Variants in TEX11 observed in about 807,000 individuals in gnomAD.
TEX11 encodes testis-expressed protein 11.
A neutral mutation model predicts 84.4 loss-of-function variants in TEX11; 7 were observed. That is an observed-to-expected ratio of 0.08 (90% confidence interval 0.05 to 0.16). The LOEUF (loss-of-function observed/expected upper bound fraction) is 0.16. Among genes scored for constraint, TEX11 ranks in the 10% least tolerant of loss-of-function variants. The pLI is 1.00. For missense variants in TEX11, 551 were observed against 660.5 expected (o/e 0.83, Z 1.82); for synonymous variants, 264 against 222.8 (o/e 1.18, Z -1.64).
chrX:70,596,684 G>A (rs1411537533), intron 24 of TEX11, among the ~76,000 whole-genome samples: 1 of 110,376 alleles, frequency 9.1e-6, no homozygotes, highest in Non-Finnish European at 1.9e-5. Flanking sequence ...TTAAAAAAAA[G>A]AAATATCTCA....
intron 28 of TEX11, among the ~76,000 whole-genome samples, chrX:70,532,595 G>A (rs2087902701): frequency 1.8e-5 from 2 of 112,033 alleles, no homozygotes; most frequent in African/African-American, 6.5e-5. Context: ...ATAGCTGGGT[G>A]TGATGGCACA....
intron 9 of TEX11, among the ~76,000 whole-genome samples, chrX:70,748,644 G>C (rs1266311976): frequency 2.9e-5 from 3 of 105,015 alleles, no homozygotes; most frequent in East Asian, 3.0e-4. Context: ...CATATGGCTA[G>C]CCAGTTTTCC....
chrX:70,547,027 CAAAAAAAAAAAA>C (rs58220663), intron 28 of TEX11, among the ~76,000 whole-genome samples: 3 of 33,874 alleles, frequency 8.9e-5, no homozygotes, highest in East Asian at 2.2e-3. Context: ...TATTATTCAG[CAAAAAAAAAAAA>C]AAAAAAAAAA....
At chrX:70,725,192 A>C in intron 12 of TEX11, 70 bp downstream of exon 12, 1 of 745,852 alleles carries the variant, frequency 1.3e-6, no homozygotes, top group Non-Finnish European at 1.9e-6. Flanking sequence ...GTATACTACA[A>C]AAGATCTTAT....
intron 13 of TEX11, among the ~76,000 whole-genome samples, chrX:70,714,423 G>A (rs2147706030): frequency 9.0e-6 from 1 of 111,515 alleles, no homozygotes; most frequent in African/African-American, 3.3e-5. Context: ...TTGTGTGGGA[G>A]TCTAAGTCTC....
intron 2 of TEX11, among the ~76,000 whole-genome samples, chrX:70,901,092 C>T (rs2091800912): frequency 9.0e-6 from 1 of 111,350 alleles, no homozygotes; most frequent in Non-Finnish European, 1.9e-5. Flanking sequence ...GTGGCGCATG[C>T]CTATATTCCC....
At chrX:70,845,240 C>G (rs1602177821) in intron 7 of TEX11, among the ~76,000 whole-genome samples, 1 of 110,920 alleles carries the variant, frequency 9.0e-6, no homozygotes, top group East Asian at 2.9e-4. Context: ...CTGCTCACTG[C>G]AACCTCTGTC....
At chrX:70,567,391 C>T (rs184636688) in intron 25 of TEX11, among the ~76,000 whole-genome samples, 66 of 110,843 alleles carry the variant, frequency 6.0e-4, no homozygotes, top group Admixed American at 1.1e-3. Context: ...GGGGTTTTTG[C>T]GTCTCTATTT....
intron 13 of TEX11, among the ~76,000 whole-genome samples, chrX:70,721,495 A>G (rs2090559034): frequency 8.9e-6 from 1 of 112,050 alleles, no homozygotes; most frequent in Non-Finnish European, 1.9e-5. Context: ...TAGCTCTATA[A>G]TTAGGTGGAT....
intron 18 of TEX11, among the ~76,000 whole-genome samples, chrX:70,629,072 C>T (rs1268803453): frequency 2.7e-5 from 3 of 112,177 alleles, no homozygotes; most frequent in East Asian, 5.6e-4. Flanking sequence ...AGAAGTTAAG[C>T]ACAGATTAAA....
At chrX:70,865,125 C>T (rs531682304) in intron 4 of TEX11, among the ~76,000 whole-genome samples, 4 of 111,297 alleles carry the variant, frequency 3.6e-5, no homozygotes, top group East Asian at 5.6e-4. Context: ...AGTCAAGACC[C>T]ATCAGTGTGC....
At chrX:70,525,103 C>T (rs1453073406), downstream of TEX11, among the ~76,000 whole-genome samples, 1 of 111,021 alleles carries the variant, frequency 9.0e-6, no homozygotes, top group Non-Finnish European at 1.9e-5. Context: ...ATCGCTTGAG[C>T]CTGGGAGTTT....
rs199501574 is a variant in TEX11, at chrX:70,860,978, A to G, written c.245-42T>C. On this transcript the variant is annotated intron_variant, in intron 4 of 29. Transcript: ENST00000374333. ...AGACAATGATAAACACAAAACATTC[A>G]TTCTCCTTTTATATACACCAAAGAG... The G allele has an allele frequency of 3.9e-5, 35 of 900,330 alleles. No homozygotes were observed. In the Admixed American group the frequency reaches 1.0e-3, roughly 26 times the overall value. The allele number at this position is 900,330 out of a possible 1,213,427, so 74.2% of individuals were successfully genotyped here. A position where few individuals can be genotyped will look rare whatever the true frequency, so the allele number is the denominator to read the frequency against.
chrX:70,897,756 T>G (rs2091781485), intron 2 of TEX11, among the ~76,000 whole-genome samples: 1 of 110,152 alleles, frequency 9.1e-6, no homozygotes, highest in African/African-American at 3.3e-5. Flanking sequence ...AGAGTTATTT[T>G]ATTCAATCAT....
chrX:70,566,984 G>T (rs185056561), intron 25 of TEX11, among the ~76,000 whole-genome samples: 1 of 111,216 alleles, frequency 9.0e-6, no homozygotes, highest in Admixed American at 9.6e-5. Flanking sequence ...GAATGGTACC[G>T]GTTCCTCCTT....
intron 28 of TEX11, among the ~76,000 whole-genome samples, chrX:70,544,798 C>T (rs1251904860): frequency 7.6e-5 from 7 of 91,974 alleles, no homozygotes; most frequent in Admixed American, 1.3e-4. Context: ...GAGATTGTGC[C>T]TTCGCACTCC....
chrX:70,810,159 A>G (rs1001258689), intron 8 of TEX11, among the ~76,000 whole-genome samples: 2 of 111,838 alleles, frequency 1.8e-5, no homozygotes, highest in East Asian at 5.6e-4. Context: ...GCTGGAGAGG[A>G]TGTGGAGAAA....
At chrX:70,668,397 A>AT (rs2089995132) in intron 16 of TEX11, among the ~76,000 whole-genome samples, 1 of 112,125 alleles carries the variant, frequency 8.9e-6, no homozygotes, top group African/African-American at 3.2e-5. Context: ...TGGATTGTGT[A>AT]TTTTTTTCAC....
chrX:70,520,988 T>G, the TEX11 span, among the ~76,000 whole-genome samples: 1 of 112,060 alleles, frequency 8.9e-6, no homozygotes, highest in African/African-American at 3.2e-5. Context: ...CTAAGACCGT[T>G]GGAAAAGTGC....
Sources: allele counts gnomAD v4.1 joint callset (sites outside exome capture counted in the v4.1 genomes callset), GRCh38; gene constraint gnomAD v4.1.1; transcripts MANE v1.5; gene names NCBI Gene and HGNC (gene_info 2026-07-23, HGNC 2026-07-21).